Variants in DACH2 observed in about 807,000 individuals in gnomAD.
DACH2 encodes dachshund homolog 2.
A neutral mutation model predicts 35.8 loss-of-function variants in DACH2; 17 were observed. The observed-to-expected ratio is 0.48, with a 90% CI of 0.33 to 0.71. The LOEUF (loss-of-function observed/expected upper bound fraction) is 0.71, where lower values mean the gene tolerates loss of function less well. DACH2 is among the 30% of genes least tolerant of loss of function. The pLI is 0.02. For synonymous variants in DACH2, 195 were observed against 177.3 expected (o/e 1.10, Z -0.79); for missense variants, 469 against 472.7 (o/e 0.99, Z 0.07).
chrX:86,227,628 T>C (rs1290090100), intron 1 of DACH2, among the ~76,000 whole-genome samples: 1 of 110,161 alleles, frequency 9.1e-6, no homozygotes, highest in Non-Finnish European at 1.9e-5. Context: ...GATTCTTTTT[T>C]TTTTTTTAAG....
chrX:86,529,424 C>G (rs1417506676), intron 3 of DACH2, among the ~76,000 whole-genome samples: 2 of 109,727 alleles, frequency 1.8e-5, no homozygotes, highest in African/African-American at 6.6e-5. Context: ...TATTCATACC[C>G]CATTCCCAGT....
intron 2 of DACH2, among the ~76,000 whole-genome samples, chrX:86,435,313 T>G (rs1033357534): frequency 3.6e-5 from 4 of 111,852 alleles, no homozygotes; most frequent in African/African-American, 1.3e-4. Flanking sequence ...TGTCAAGAAC[T>G]TTTAACATCA....
intron 3 of DACH2, among the ~76,000 whole-genome samples, chrX:86,645,753 A>G (rs181551032): frequency 1.8e-5 from 2 of 111,186 alleles, no homozygotes; most frequent in African/African-American, 6.5e-5. Flanking sequence ...TTTTTGGGGA[A>G]AATGGATGAA....
chrX:86,604,555 G>T (rs1414573427), intron 3 of DACH2, among the ~76,000 whole-genome samples: 1 of 111,540 alleles, frequency 9.0e-6, no homozygotes, highest in Admixed American at 9.5e-5. Context: ...TTTTATATTT[G>T]CCTTGTATAG....
chrX:86,287,349 A>C (rs967146187), intron 1 of DACH2, among the ~76,000 whole-genome samples: 6 of 111,128 alleles, frequency 5.4e-5, no homozygotes, highest in African/African-American at 1.6e-4. Context: ...TTGATTATGA[A>C]ATGCTTTGAG....
At chrX:86,270,961 T>C (rs920631586) in intron 1 of DACH2, among the ~76,000 whole-genome samples, 1 of 112,083 alleles carries the variant, frequency 8.9e-6, no homozygotes, top group Non-Finnish European at 1.9e-5. Flanking sequence ...ATATCTTTCA[T>C]TTGAATCAAT....
intron 3 of DACH2, among the ~76,000 whole-genome samples, chrX:86,639,799 G>A (rs1029150000): frequency 9.0e-6 from 1 of 111,388 alleles, no homozygotes; most frequent in African/African-American, 3.3e-5. Context: ...CTGACCCAGG[G>A]CAGAAGGGAT....
At chrX:86,585,459 G>T (rs1017942504) in intron 3 of DACH2, among the ~76,000 whole-genome samples, 2 of 110,475 alleles carry the variant, frequency 1.8e-5, no homozygotes, top group African/African-American at 6.6e-5. Flanking sequence ...GGCAAATTGC[G>T]TGTCATGGGG....
intron 1 of DACH2, among the ~76,000 whole-genome samples, chrX:86,315,840 CAG>C (rs1166125637): frequency 1.2e-3 from 96 of 77,859 alleles, no homozygotes; most frequent in Middle Eastern, 6.7e-3. Flanking sequence ...CACACACACA[CAG>C]AGAGAGAGAG....
chrX:86,374,466 G>A lies in DACH2; in HGVS notation c.489-2358G>A, dbSNP rs770985535. Among the ~76,000 whole-genome samples, 14 of 110,836 alleles carry A rather than the reference G, an allele frequency of 1.3e-4. No homozygotes were observed. In the South Asian group the frequency reaches 4.9e-3, roughly 39 times the overall value. On this transcript the variant is annotated intron_variant, in intron 1 of 11. Transcript: ENST00000373125. ...TGTCCTAATGTGGTACAATCATGAT[G>A]ATGATTGGAACTAGTGAGTTGTGTA...
rs752794167 is a variant in DACH2 at position 86,333,948 on chromosome X, T to C, written c.489-42876T>C. ...CAGGCCCCAGTGTGTGAGGTTCCCC[T>C]CCCTGTGTCCATGTGTTCTCATTGT... On this transcript the variant is annotated intron_variant, in intron 1 of 11. Coordinates refer to ENST00000373125, the MANE Select transcript of DACH2 (RefSeq NM_053281.3). Among the ~76,000 whole-genome samples, 172 of 110,837 alleles carry C rather than the reference T, an allele frequency of 1.6e-3. 1 individual carries two copies. Among genetic ancestry groups the C allele is most frequent in the African/African-American group, 4.9e-3 (150 of 30,639 alleles).
intron 3 of DACH2, among the ~76,000 whole-genome samples, chrX:86,610,984 G>C (rs1297094473): frequency 9.1e-6 from 1 of 110,458 alleles, no homozygotes; most frequent in Non-Finnish European, 1.9e-5. Context: ...ATCTGAAGGA[G>C]TCTCTCAGTG....
At chrX:86,618,422 G>T (rs958076407) in intron 3 of DACH2, among the ~76,000 whole-genome samples, 2 of 111,677 alleles carry the variant, frequency 1.8e-5, no homozygotes, top group Admixed American at 1.9e-4. Context: ...TATGTTTGTT[G>T]TTTTTGCTTA....
intron 1 of DACH2, among the ~76,000 whole-genome samples, chrX:86,220,836 A>C (rs1244702622): frequency 8.9e-6 from 1 of 112,048 alleles, no homozygotes; most frequent in Non-Finnish European, 1.9e-5. Flanking sequence ...TATCCATTGT[A>C]GTGTATAAGG....
At chrX:86,207,499 C>T (rs981315034) in intron 1 of DACH2, among the ~76,000 whole-genome samples, 25 of 109,610 alleles carry the variant, frequency 2.3e-4, no homozygotes, top group African/African-American at 8.3e-4. Flanking sequence ...CATTGTGTGC[C>T]TGTATCAAAA....
intron 3 of DACH2, among the ~76,000 whole-genome samples, chrX:86,541,274 A>G (rs951451996): frequency 2.7e-5 from 3 of 111,411 alleles, no homozygotes; most frequent in African/African-American, 9.8e-5. Context: ...TCTGTGATAA[A>G]TGCTTCTTTA....
At chrX:86,827,252 A>G (rs908420580) in intron 11 of DACH2, among the ~76,000 whole-genome samples, 2 of 112,155 alleles carry the variant, frequency 1.8e-5, no homozygotes, top group African/African-American at 6.5e-5. Context: ...CTGAGGGAAC[A>G]TTGTGGTCAT....
In DACH2 at chrX:86,461,686, C is replaced by T. The variant is rs182676040; in HGVS notation, c.528-52593C>T. Among the ~76,000 whole-genome samples the T allele has an allele frequency of 6.3e-5, 7 of 111,143 alleles. No homozygotes were observed. In the East Asian group the frequency reaches 2.0e-3, roughly 31 times the overall value. On this transcript the variant is annotated intron_variant, in intron 2 of 11. Coordinates refer to ENST00000373125, the MANE Select transcript of DACH2 (RefSeq NM_053281.3). Reference sequence around the variant, plus strand: ...ATGATTGATATGACCCATGTAAAATCAACATGAAATGTTTGTAAATGTCAG... The same window carrying T: ...ATGATTGATATGACCCATGTAAAATTAACATGAAATGTTTGTAAATGTCAG...
At chrX:86,522,146 C>T in intron 3 of DACH2, among the ~76,000 whole-genome samples, 1 of 110,685 alleles carries the variant, frequency 9.0e-6, no homozygotes, top group Admixed American at 9.6e-5. Context: ...ATTTAAACTC[C>T]ACTAGTTCAG....
Sources: allele counts gnomAD v4.1 joint callset (sites outside exome capture counted in the v4.1 genomes callset), GRCh38; gene constraint gnomAD v4.1.1; transcripts MANE v1.5; gene names NCBI Gene and HGNC (gene_info 2026-07-23, HGNC 2026-07-21).